The following SLC8A1 variants were observed in gnomAD, a reference collection of about 807,000 sequenced individuals.
The protein encoded by SLC8A1 is sodium/calcium exchanger 1.
In SLC8A1, 18 loss-of-function variants were observed where a neutral mutation model predicts 68.3. The observed-to-expected ratio is 0.26, with a 90% CI of 0.18 to 0.39. The LOEUF is 0.39. Among genes scored for constraint, SLC8A1 ranks in the 10% least tolerant of loss-of-function variants. The probability of loss-of-function intolerance (pLI) is 1.00; values close to 1 mark genes in which losing one functional copy is unlikely to be tolerated. For synonymous variants in SLC8A1, 475 were observed against 415.5 expected (o/e 1.14, Z -1.74); for missense variants, 985 against 1,156.7 (o/e 0.85, Z 2.15).
chr2:40,323,174 A>T lies in SLC8A1; in HGVS notation c.1808+105299T>A, dbSNP rs928525671. On this transcript the variant is annotated intron_variant, in intron 2 of 7. Coordinates refer to ENST00000406785, the Ensembl canonical transcript of SLC8A1. Reference sequence around the variant, plus strand: ...TTCTCGAGCTTCCAGTGTCTTTATCATAGAAAAATTACAAGATTGATAATA... The same window carrying T: ...TTCTCGAGCTTCCAGTGTCTTTATCTTAGAAAAATTACAAGATTGATAATA... 2.6e-5 allele frequency among the ~76,000 whole-genome samples: 4 copies of T among 152,184 alleles called. No individual in the cohort carries two copies. In the East Asian group the frequency reaches 7.7e-4, roughly 29 times the overall value.
intron 2 of SLC8A1, among the ~76,000 whole-genome samples, chr2:40,417,018 C>T (rs2149725139): frequency 6.6e-6 from 1 of 152,212 alleles, no homozygotes; most frequent in South Asian, 2.1e-4. Flanking sequence ...TCTCAGGAGG[C>T]AAAGTACAGA....
chr2:40,415,261 C>T (rs1438748042), intron 2 of SLC8A1, among the ~76,000 whole-genome samples: 2 of 152,084 alleles, frequency 1.3e-5, no homozygotes, highest in African/African-American at 2.4e-5. Flanking sequence ...CTGGAGGGGA[C>T]TTCCAAGAGT....
intron 2 of SLC8A1, among the ~76,000 whole-genome samples, chr2:40,419,713 T>C (rs1448776976): frequency 6.6e-6 from 1 of 152,204 alleles, no homozygotes; most frequent in Admixed American, 6.5e-5. Context: ...AGGATTTTTC[T>C]TTTTCTTTAA....
intron 2 of SLC8A1, among the ~76,000 whole-genome samples, chr2:40,224,922 T>C (rs927539845): frequency 1.3e-5 from 2 of 152,176 alleles, no homozygotes; most frequent in Non-Finnish European, 2.9e-5. Context: ...GCTTAATTTT[T>C]ACAACTCCTG....
intron 2 of SLC8A1, among the ~76,000 whole-genome samples, chr2:40,311,462 T>G (rs1449461726): frequency 1.3e-5 from 2 of 152,072 alleles, no homozygotes; most frequent in Non-Finnish European, 2.9e-5. Context: ...ATCGAAGGCA[T>G]TAATATGGCG....
At chr2:40,117,342 C>G (rs113434607) in intron 7 of SLC8A1, among the ~76,000 whole-genome samples, 1 of 131,794 alleles carries the variant, frequency 7.6e-6, no homozygotes, top group Admixed American at 9.5e-5. Context: ...GTTAGGAGTT[C>G]GAGACCAGTT....
intron 1 of SLC8A1, among the ~76,000 whole-genome samples, chr2:40,439,978 A>G (rs1157698412): frequency 6.6e-6 from 1 of 152,122 alleles, no homozygotes; most frequent in Non-Finnish European, 1.5e-5. Context: ...TATAGTATAT[A>G]TTACCTATTA....
intron 2 of SLC8A1, among the ~76,000 whole-genome samples, chr2:40,324,591 G>C (rs2075602044): frequency 6.6e-6 from 1 of 152,068 alleles, no homozygotes; most frequent in Non-Finnish European, 1.5e-5. Flanking sequence ...TAGGGTTTTA[G>C]TCTCCACAAA....
intron 1 of SLC8A1, among the ~76,000 whole-genome samples, chr2:40,507,663 T>C (rs1221906143): frequency 6.6e-6 from 1 of 152,024 alleles, no homozygotes; most frequent in African/African-American, 2.4e-5. Flanking sequence ...TTTTTACTAG[T>C]TGTGTGATCT....
rs139449064 is a variant in SLC8A1, at chr2:40,498,636, T to C, written c.-25+13713A>G. Among the ~76,000 whole-genome samples the C allele has an allele frequency of 4.2e-3, 639 of 152,194 alleles. 6 individuals carry two copies. The highest frequency in any genetic ancestry group is 0.014 in the African/African-American group (578 of 41,538). ...ATTTAATGTAATCCTTCCTAACAAC[T>C]GTGCTCAAAAATTGCCAACTCTAGA... On this transcript the variant is annotated intron_variant, in intron 1 of 7. Coordinates refer to the SLC8A1 transcript ENST00000402441.
intron 4 of SLC8A1, among the ~76,000 whole-genome samples, chr2:40,169,002 T>G (rs1230604294): frequency 6.6e-6 from 1 of 152,226 alleles, no homozygotes; most frequent in Non-Finnish European, 1.5e-5. Context: ...GGGATCTCCC[T>G]TCTCCTGAGT....
intron 2 of SLC8A1, among the ~76,000 whole-genome samples, chr2:40,264,252 G>A (rs1162660492): frequency 6.6e-6 from 1 of 151,840 alleles, no homozygotes; most frequent in Middle Eastern, 3.4e-3. Flanking sequence ...ACTGTTGGTG[G>A]GACTGTAAAC....
intron 2 of SLC8A1, among the ~76,000 whole-genome samples, chr2:40,422,432 C>A (rs959573388): frequency 6.6e-5 from 10 of 152,128 alleles, no homozygotes; most frequent in Admixed American, 3.3e-4. Flanking sequence ...CAGCAAATAA[C>A]CCCTTGTATG....
chr2:40,438,532 A>G (rs1699887220), intron 1 of SLC8A1, among the ~76,000 whole-genome samples: 1 of 152,162 alleles, frequency 6.6e-6, no homozygotes, highest in South Asian at 2.1e-4. Flanking sequence ...TGGTCCCTGT[A>G]CTTACTAAAT....
chr2:40,481,776 G>A (rs1704645150), intron 1 of SLC8A1, among the ~76,000 whole-genome samples: 1 of 152,104 alleles, frequency 6.6e-6, no homozygotes, highest in African/African-American at 2.4e-5. Context: ...AGTTCTTCAT[G>A]TCTCCATCGT....
chr2:40,482,469 G>A (rs1704690994), intron 1 of SLC8A1, among the ~76,000 whole-genome samples: 1 of 152,170 alleles, frequency 6.6e-6, no homozygotes, highest in Non-Finnish European at 1.5e-5. Flanking sequence ...GAGGGCCTGA[G>A]AAGGAACTCA....
intron 2 of SLC8A1, among the ~76,000 whole-genome samples, chr2:40,293,836 A>C (rs532376547): frequency 6.6e-6 from 1 of 151,052 alleles, no homozygotes; most frequent in African/African-American, 2.5e-5. Context: ...ATTTTATGTC[A>C]TAAAAAACAA....
chr2:40,428,336 G>C lies in SLC8A1; in HGVS notation c.1808+137C>G, dbSNP rs143516978. ...CCAAGCAAAGACTGATATCTTGAAA[G>C]GGATCTTGTATAAAAGCTATTCCAT... On this transcript the variant is annotated intron_variant, in intron 2 of 7. Coordinates refer to ENST00000406785, the Ensembl canonical transcript of SLC8A1. The C allele has an allele frequency of 4.4e-6, 6 of 1,365,926 alleles. No homozygotes were observed. In the African/African-American group the frequency reaches 5.9e-5, roughly 13 times the overall value. The allele number at this position is 1,365,926 out of a possible 1,614,324, so 84.6% of individuals were successfully genotyped here.
At chr2:40,241,005 C>T (rs1251752336) in intron 2 of SLC8A1, among the ~76,000 whole-genome samples, 2 of 152,140 alleles carry the variant, frequency 1.3e-5, no homozygotes, top group Non-Finnish European at 2.9e-5. Context: ...TGGGTATATA[C>T]CCAAAGGAAA....
Sources: allele counts gnomAD v4.1 joint callset (sites outside exome capture counted in the v4.1 genomes callset), GRCh38; gene constraint gnomAD v4.1.1; transcripts MANE v1.5; gene names NCBI Gene and HGNC (gene_info 2026-07-23, HGNC 2026-07-21).